PPM1H: variants seen among roughly 807,000 people sequenced by gnomAD.
PPM1H encodes protein phosphatase, Mg2+/Mn2+ dependent 1H.
A neutral mutation model predicts 54.9 loss-of-function variants in PPM1H; 27 were observed. The observed-to-expected ratio is 0.49, with a 90% confidence interval of 0.36 to 0.68. The LOEUF (loss-of-function observed/expected upper bound fraction) is 0.68, where lower values mean the gene tolerates loss of function less well. Among genes scored for constraint, PPM1H ranks in the 30% least tolerant of loss-of-function variants. PPM1H has a pLI of 0.00. For missense variants in PPM1H, 596 were observed against 667.8 expected, an observed-to-expected ratio of 0.89 and a Z score of 1.19; for synonymous variants, 305 against 270.8, an observed-to-expected ratio of 1.13 and a Z score of -1.24.
At chr12:62,819,417 G>A (rs147482328) in intron 2 of PPM1H, among the ~76,000 whole-genome samples, 151 of 152,248 alleles carry the variant, frequency 9.9e-4, no homozygotes, top group African/African-American at 3.4e-3. Context: ...GTGAGCCACC[G>A]TACCTGGCCA....
chr12:62,682,322 G>T (rs1592540491), intron 8 of PPM1H, among the ~76,000 whole-genome samples: 1 of 152,122 alleles, frequency 6.6e-6, no homozygotes, highest in Non-Finnish European at 1.5e-5. Flanking sequence ...CACCAATATT[G>T]TTTCTTATGA....
intron 1 of PPM1H, among the ~76,000 whole-genome samples, chr12:62,885,812 A>C (rs1870567087): frequency 6.6e-6 from 1 of 152,242 alleles, no homozygotes; most frequent in Non-Finnish European, 1.5e-5. Flanking sequence ...AATTAACACA[A>C]TAATTTGCAT....
rs1009762561 is a variant in PPM1H at position 62,644,005 on chromosome 12, C to CAT, written c.*4482_*4483dup. 9 of 152,170 alleles carry CAT rather than the reference C, an allele frequency of 5.9e-5. No homozygotes were observed. The highest frequency in any genetic ancestry group is 4.2e-4 in the South Asian group (2 of 4,818). 9.4% of individuals were successfully genotyped at this position (152,170 alleles called of 1,614,324 possible). On this transcript the variant is annotated 3_prime_UTR_variant, in exon 10 of 10. Transcript: ENST00000228705. ...AGTTTTGCTGAATATGTCGTATATA[C>CAT]ATATATATAATATTTTATTTTAAAA...
intron 5 of PPM1H, among the ~76,000 whole-genome samples, chr12:62,724,998 C>T (rs117692808): frequency 2.4e-4 from 37 of 152,264 alleles, no homozygotes; most frequent in Non-Finnish European, 4.0e-4. Context: ...GCACCGGTGA[C>T]GCAGCATTTT....
At chr12:62,930,699 T>A (rs1033862101) in intron 1 of PPM1H, among the ~76,000 whole-genome samples, 1 of 151,324 alleles carries the variant, frequency 6.6e-6, no homozygotes, top group African/African-American at 2.4e-5. Flanking sequence ...TGCCGCCTGG[T>A]CTCTGGGTCA....
At chr12:62,884,137 G>A (rs1870494049) in intron 1 of PPM1H, among the ~76,000 whole-genome samples, 1 of 151,384 alleles carries the variant, frequency 6.6e-6, no homozygotes, top group Non-Finnish European at 1.5e-5. Flanking sequence ...TGGCAAATCA[G>A]TGAGATGAAA....
At chr12:62,706,946 T>C (rs746291206) in intron 6 of PPM1H, among the ~76,000 whole-genome samples, 5 of 152,356 alleles carry the variant, frequency 3.3e-5, no homozygotes, top group African/African-American at 4.8e-5. Context: ...TTAACAATAC[T>C]GCAGATGTAC....
intron 4 of PPM1H, among the ~76,000 whole-genome samples, chr12:62,769,932 A>G (rs1043649508): frequency 3.3e-5 from 5 of 152,210 alleles, no homozygotes; most frequent in African/African-American, 9.6e-5. Flanking sequence ...TCGATTATCT[A>G]TTCATCTGGG....
rs1872046717 is a variant in PPM1H at position 62,928,739 on chromosome 12, TTTGGTC to T, written c.245+5747_245+5752del. ...TTCCCCACCTTTGATGTTACAAGTC[TTTGGTC>T]TGCTTTCAGCAAGAATCCTGCTAGG... On this transcript the variant is annotated intron_variant, in intron 1 of 9. Transcript: ENST00000228705. Among the ~76,000 whole-genome samples the T allele has an allele frequency of 3.3e-5, 5 of 152,204 alleles. No homozygotes were observed. In the South Asian group the frequency reaches 1.0e-3, roughly 31 times the overall value.
At position 62,648,643 on chromosome 12, in the gene PPM1H, A is replaced by G. The variant is rs112744017; in HGVS notation, c.1398-7T>C. On this transcript the variant is annotated splice_polypyrimidine_tract_variant and splice_region_variant and intron_variant, in intron 9 of 9. Coordinates refer to ENST00000228705, the MANE Select transcript of PPM1H (RefSeq NM_020700.2). ...CTGAGCTGCCAGTGTGTACCTACAC[A>G]GGAGAACCAGGAACGAGACAGTCAG... 2,751 of 1,613,246 alleles carry G rather than the reference A, an allele frequency of 1.7e-3. 40 individuals carry two copies. The African/African-American group carries it at 0.027, about 16-fold the overall frequency.
At chr12:62,720,119 C>A (rs967827958) in intron 6 of PPM1H, 52 bp downstream of exon 6, 5 of 1,436,736 alleles carry the variant, frequency 3.5e-6, no homozygotes, top group Non-Finnish European at 4.9e-6. Flanking sequence ...GGTGGTGATG[C>A]TTCCTTCACA....
At chr12:62,773,244 G>A (rs2076589884) in intron 4 of PPM1H, among the ~76,000 whole-genome samples, 1 of 152,238 alleles carries the variant, frequency 6.6e-6, no homozygotes, top group African/African-American at 2.4e-5. Flanking sequence ...GAAGGCTGAG[G>A]TGGGAGGATT....
intron 1 of PPM1H, among the ~76,000 whole-genome samples, chr12:62,928,057 A>G (rs1015168345): frequency 6.6e-6 from 1 of 152,240 alleles, no homozygotes; most frequent in Non-Finnish European, 1.5e-5. Flanking sequence ...TGAACAAATA[A>G]CTTACCTACG....
At chr12:62,671,129 A>G (rs891886623) in intron 8 of PPM1H, among the ~76,000 whole-genome samples, 6 of 152,074 alleles carry the variant, frequency 3.9e-5, no homozygotes, top group African/African-American at 1.4e-4. Flanking sequence ...CCACATCCTC[A>G]AAGTTCCCCT....
intron 5 of PPM1H, chr12:62,720,857 C>G (rs1291586966): frequency 1.3e-5 from 2 of 153,138 alleles, no homozygotes; most frequent in Admixed American, 6.5e-5. Context: ...CCCCCTCCCC[C>G]AAATCTCTGT....
intron 4 of PPM1H, among the ~76,000 whole-genome samples, chr12:62,770,145 G>T (rs1359765961): frequency 6.6e-6 from 1 of 151,118 alleles, no homozygotes; most frequent in Non-Finnish European, 1.5e-5. Flanking sequence ...TTCCACCTGG[G>T]GGATAATATT....
At chr12:62,862,646 C>G (rs922827366) in intron 1 of PPM1H, among the ~76,000 whole-genome samples, 26 of 152,190 alleles carry the variant, frequency 1.7e-4, no homozygotes, top group Non-Finnish European at 2.1e-4. Context: ...GTACAGACAT[C>G]TATCTTCTCT....
chr12:62,857,424 G>A (rs532552100), intron 1 of PPM1H, among the ~76,000 whole-genome samples: 42 of 152,122 alleles, frequency 2.8e-4, no homozygotes, highest in Non-Finnish European at 5.9e-4. Flanking sequence ...AGATAACTGG[G>A]TTTTGTAGTT....
chr12:62,867,564 A>ATTTTTTTTTTTTTTTTTT lies in PPM1H; in HGVS notation c.246-35303_246-35286dup, dbSNP rs34772338. 6.1e-4 allele frequency among the ~76,000 whole-genome samples: 34 copies of ATTTTTTTTTTTTTTTTTT among 55,372 alleles called. 7 individuals carry two copies. Among genetic ancestry groups the ATTTTTTTTTTTTTTTTTT allele is most frequent in the African/African-American group, 7.7e-4 (12 of 15,612 alleles). The allele number at this position is 55,372 out of a possible 152,430, so 36.3% of individuals were successfully genotyped here. A position where few individuals can be genotyped will look rare whatever the true frequency, so the allele number is the denominator to read the frequency against. Reference sequence around the variant, plus strand: ...TCCTGAAATACATCTTATGAGCACTATTTTTTTTTTTTTTTTTTTTTTTTT... The same window carrying ATTTTTTTTTTTTTTTTTT: ...TCCTGAAATACATCTTATGAGCACTATTTTTTTTTTTTTTTTTTTTTTTTTTTTTTTTTTTTTTTTTTT... On this transcript the variant is annotated intron_variant, in intron 1 of 9. Coordinates refer to ENST00000228705, the MANE Select transcript of PPM1H (RefSeq NM_020700.2).
Sources: allele counts gnomAD v4.1 joint callset (sites outside exome capture counted in the v4.1 genomes callset), GRCh38; gene constraint gnomAD v4.1.1; transcripts MANE v1.5; gene names NCBI Gene and HGNC (gene_info 2026-07-23, HGNC 2026-07-21).